The following SLC5A7 variants were observed in gnomAD, a reference collection of about 807,000 sequenced individuals.
SLC5A7 encodes the protein solute carrier family 5 member 7.
A neutral mutation model predicts 55.4 loss-of-function variants in SLC5A7; 19 were observed. The observed-to-expected ratio is 0.34, with a 90% CI of 0.24 to 0.50. SLC5A7 has a LOEUF of 0.50. Among genes scored for constraint, SLC5A7 ranks in the 20% least tolerant of loss-of-function variants. The pLI is 0.98. For synonymous variants in SLC5A7, 265 were observed against 263.7 expected (o/e 1.00, Z -0.05); for missense variants, 506 against 705.3 (o/e 0.72, Z 3.20).
intron 4 of SLC5A7, 119 bp downstream of exon 4, chr2:107,993,246 C>A: frequency 9.2e-7 from 1 of 1,083,654 alleles, no homozygotes; most frequent in South Asian, 1.7e-5. Flanking sequence ...ATATGCTGAA[C>A]CATATTTATA....
At chr2:107,992,865 A>G (rs1420724709) in intron 3 of SLC5A7, 107 bp from the exon 4 acceptor site, 5 of 1,211,680 alleles carry the variant, frequency 4.1e-6, no homozygotes, top group Non-Finnish European at 4.7e-6. Context: ...TCCTCAATCC[A>G]TACAGGTGTT....
At chr2:107,993,311 T>C (rs1156659169) in intron 4 of SLC5A7, among the ~76,000 whole-genome samples, 184 bp downstream of exon 4, 3 of 152,224 alleles carry the variant, frequency 2.0e-5, no homozygotes, top group Non-Finnish European at 4.4e-5. Context: ...TGGCAGAGGT[T>C]AAATAAAACC....
At position 108,011,151 on chromosome 2, in the gene SLC5A7, T is replaced by G. The variant is rs937234162; in HGVS notation, c.*290T>G. ...TTAGAGAACAAAGGGCCAAATAGAG[T>G]TTTTATATTTGTTATGATAAAAGGA... is the stretch of plus-strand genomic sequence containing the variant. On this transcript the variant is annotated 3_prime_UTR_variant, in exon 9 of 9. Coordinates refer to ENST00000264047, the MANE Select transcript of SLC5A7 (RefSeq NM_021815.5). 4.1e-6 allele frequency: 1 copy of G among 243,348 alleles called. No individual in the cohort carries two copies. The highest frequency in any genetic ancestry group is 2.2e-5 in the African/African-American group (1 of 44,798). 15.1% of individuals were successfully genotyped at this position (243,348 alleles called of 1,614,324 possible).
chr2:107,994,453 G>A (rs1015017864), intron 4 of SLC5A7, among the ~76,000 whole-genome samples: 1 of 152,056 alleles, frequency 6.6e-6, no homozygotes, highest in South Asian at 2.1e-4. Context: ...CGTGGTGGCG[G>A]GCGCCTGTAG....
Position 107,988,109 on chromosome 2 carries a change from C to T in SLC5A7, c.-47C>T. 1.0e-5 allele frequency: 16 copies of T among 1,588,134 alleles called. No individual in the cohort carries two copies. Among genetic ancestry groups the T allele is most frequent in the Non-Finnish European group, 1.4e-5 (16 of 1,161,330 alleles). ...GCATCCCTGTATTTTCTTCAGAAGA[C>T]TTAATGAAGTAGCCAGCTGCAGAAG... On this transcript the variant is annotated 5_prime_UTR_variant, in exon 2 of 9. Coordinates refer to ENST00000264047, the MANE Select transcript of SLC5A7 (RefSeq NM_021815.5).
chr2:108,001,681 AAAAAAAAAG>A (rs1177941047), intron 5 of SLC5A7, among the ~76,000 whole-genome samples: 5 of 150,878 alleles, frequency 3.3e-5, no homozygotes, highest in Non-Finnish European at 5.9e-5. Flanking sequence ...TCAAAAAAAA[AAAAAAAAAG>A]AAAAGAAATA....
intron 6 of SLC5A7, among the ~76,000 whole-genome samples, chr2:108,003,382 G>C (rs1384386080): frequency 2.0e-5 from 3 of 152,068 alleles, no homozygotes; most frequent in Non-Finnish European, 1.5e-5. Context: ...TTTAAAATAA[G>C]ACATTTTGTA....
intron 8 of SLC5A7, among the ~76,000 whole-genome samples, chr2:108,009,294 T>A (rs1438258804): frequency 2.0e-5 from 3 of 152,184 alleles, no homozygotes; most frequent in African/African-American, 7.2e-5. Flanking sequence ...TGATTTTTTT[T>A]AATTAACCAA....
intron 6 of SLC5A7, among the ~76,000 whole-genome samples, chr2:108,003,518 G>T (rs1291638427): frequency 6.6e-6 from 1 of 152,156 alleles, no homozygotes; most frequent in Non-Finnish European, 1.5e-5. Context: ...TATAGAAATT[G>T]GCCTTGAAAT....
intron 4 of SLC5A7, among the ~76,000 whole-genome samples, 157 bp downstream of exon 4, chr2:107,993,284 G>A (rs535758507): frequency 1.7e-3 from 255 of 152,254 alleles, no homozygotes; most frequent in African/African-American, 5.9e-3. Flanking sequence ...GAAATTCTAC[G>A]TTTACTTGCA....
rs1677481884 is a variant in SLC5A7 at position 107,992,308 on chromosome 2, T to C, written c.292+89T>C. On this transcript the variant is annotated intron_variant, in intron 3 of 8. Coordinates refer to ENST00000264047, the MANE Select transcript of SLC5A7 (RefSeq NM_021815.5). Reference sequence around the variant, plus strand: ...ACAAGTGGAATAACAAGTCAAACACTCTGAATAACCATTGTAAAAAAATGT... The same window carrying C: ...ACAAGTGGAATAACAAGTCAAACACCCTGAATAACCATTGTAAAAAAATGT... 10 of 715,294 alleles carry C rather than the reference T, an allele frequency of 1.4e-5. No individual in the cohort carries two copies. The South Asian group carries it at 1.8e-4, about 13-fold the overall frequency. 44.3% of individuals were successfully genotyped at this position (715,294 alleles called of 1,614,324 possible). A position where few individuals can be genotyped will look rare whatever the true frequency, so the allele number is the denominator to read the frequency against.
chr2:108,003,733 C>T (rs1678005066), intron 6 of SLC5A7, among the ~76,000 whole-genome samples: 2 of 152,202 alleles, frequency 1.3e-5, no homozygotes, highest in Admixed American at 6.5e-5. Flanking sequence ...TCTCTGATGG[C>T]AGCCTGCCCA....
chr2:108,001,156 C>G (rs2104361761), intron 5 of SLC5A7, among the ~76,000 whole-genome samples: 1 of 151,988 alleles, frequency 6.6e-6, no homozygotes, highest in African/African-American at 2.4e-5. Context: ...CCCTCCTCCC[C>G]CCACCCACAC....
chr2:108,010,118 T>C, intron 8 of SLC5A7, 114 bp from the exon 9 acceptor site: 5 of 1,314,724 alleles, frequency 3.8e-6, no homozygotes, highest in Middle Eastern at 2.7e-4. Context: ...GATTGAGCCA[T>C]TTGAACCAGG....
intron 4 of SLC5A7, among the ~76,000 whole-genome samples, chr2:107,995,643 T>C (rs1677644989): frequency 6.6e-6 from 1 of 152,176 alleles, no homozygotes. Context: ...AATAGTTGGA[T>C]TTAATTAAAA....
chr2:108,005,559 C>T (rs1488003741), intron 6 of SLC5A7, among the ~76,000 whole-genome samples: 1 of 152,188 alleles, frequency 6.6e-6, no homozygotes, highest in Non-Finnish European at 1.5e-5. Flanking sequence ...GATACATTGT[C>T]TTAGTTCAGT....
At chr2:107,997,808 T>C in intron 4 of SLC5A7, 30 bp from the exon 5 acceptor site, 1 of 1,579,146 alleles carries the variant, frequency 6.3e-7, no homozygotes, top group Middle Eastern at 1.7e-4. Flanking sequence ...TCTGGGCACC[T>C]TGACCACAGA....
chr2:108,006,013 G>A (rs1678102132), intron 6 of SLC5A7, 36 bp from the exon 7 acceptor site: 3 of 1,611,034 alleles, frequency 1.9e-6, no homozygotes, highest in Non-Finnish European at 2.5e-6. Context: ...AAAATGAATA[G>A]ATGTTTGCCT....
Position 107,992,132 on chromosome 2 carries a change from A to G in SLC5A7, c.205A>G (p.Asn69Asp). The G allele has an allele frequency of 6.2e-7, 1 of 1,613,640 alleles. No homozygotes were observed. Among genetic ancestry groups the G allele is most frequent in the Non-Finnish European group, 8.5e-7 (1 of 1,179,598 alleles). Residue 69 changes from asparagine (N) to aspartate (D), a missense_variant, in exon 3 of 9, where the codon AAT becomes GAT. By Grantham distance (23) the Asn-to-Asp change is conservative (BLOSUM62 1). Coordinates refer to ENST00000264047, the MANE Select transcript of SLC5A7 (RefSeq NM_021815.5). ...TACCTGGGTCGGAGGAGGGTATATC[A>G]ATGGCACAGCTGAAGCAGTTTATGT... Reference protein sequence around the residue: ...TATWVGGGYINGTAEAVYVPG... With the variant: ...TATWVGGGYIDGTAEAVYVPG...
Sources: gnomAD v4.1 joint callset for allele counts (sites outside exome capture counted in the v4.1 genomes callset) on GRCh38, gnomAD v4.1.1 for gene constraint, MANE v1.5 for transcripts, NCBI Gene and HGNC (gene_info 2026-07-23, HGNC 2026-07-21) for gene names.